The following TENM2 variants were observed in gnomAD, a reference collection of about 807,000 sequenced individuals.
The protein encoded by TENM2 is teneurin transmembrane protein 2.
Under a neutral mutation model 245.2 loss-of-function variants are expected in TENM2, and 52 were observed. The observed-to-expected ratio is 0.21, with a 90% CI of 0.17 to 0.27. TENM2 has a LOEUF of 0.27. Among genes scored for constraint, TENM2 ranks in the 10% least tolerant of loss-of-function variants. TENM2 has a pLI of 1.00. For synonymous variants in TENM2, 1,363 were observed against 1,438.9 expected (o/e 0.95, Z 1.19); for missense variants, 3,046 against 3,666.8 (o/e 0.83, Z 4.37).
At position 168,057,652 on chromosome 5, in the gene TENM2, T is replaced by C. The variant is rs982502941; in HGVS notation, c.1310-4408T>C. On this transcript the variant is annotated intron_variant, in intron 6 of 28. Transcript: ENST00000518659. The stretch of plus-strand genomic sequence containing the variant: ...GGATTTTCTCACCATATCACACCTC[T>C]CCCAGTTTGTTTGTTTGTTTGTTTA... 9.9e-5 allele frequency among the ~76,000 whole-genome samples: 15 copies of C among 152,164 alleles called. 1 individual carries two copies. Among genetic ancestry groups the C allele is most frequent in the African/African-American group, 3.6e-4 (15 of 41,442 alleles).
chr5:167,685,663 C>T (rs757403043), intron 2 of TENM2, among the ~76,000 whole-genome samples: 2 of 152,066 alleles, frequency 1.3e-5, no homozygotes, highest in Non-Finnish European at 2.9e-5. Flanking sequence ...AGAGTTTACC[C>T]TGAACATCAT....
chr5:167,026,122 T>C, the TENM2 span, among the ~76,000 whole-genome samples: 4 of 152,224 alleles, frequency 2.6e-5, no homozygotes, highest in African/African-American at 9.6e-5. Context: ...TGATTATATA[T>C]GTTTTGTGTA....
chr5:166,979,191 CCACCAGCAGCAGCAGCAG>C, the TENM2 span, among the ~76,000 whole-genome samples: 35 of 85,270 alleles, frequency 4.1e-4, no homozygotes, highest in African/African-American at 1.9e-3. Flanking sequence ...AGCAGCACCA[CCACCAGCAGCAGCAGCAG>C]CAGCAGCAGC....
the TENM2 span, among the ~76,000 whole-genome samples, chr5:167,270,083 G>A: frequency 6.6e-6 from 1 of 152,148 alleles, no homozygotes; most frequent in Non-Finnish European, 1.5e-5. Context: ...AAGAATGAGT[G>A]ATGTAGTTAG....
At chr5:167,017,322 A>G in the TENM2 span, among the ~76,000 whole-genome samples, 1 of 152,216 alleles carries the variant, frequency 6.6e-6, no homozygotes, top group Non-Finnish European at 1.5e-5. Context: ...TATTTTCAAT[A>G]AAATGTTAAA....
the TENM2 span, among the ~76,000 whole-genome samples, chr5:167,256,297 T>C: frequency 1.3e-5 from 2 of 152,100 alleles, no homozygotes; most frequent in African/African-American, 4.8e-5. Context: ...ATGAGTAAGG[T>C]CAAAACTTTG....
chr5:168,193,644 C>G (rs1266585724), intron 14 of TENM2, among the ~76,000 whole-genome samples: 1 of 152,092 alleles, frequency 6.6e-6, no homozygotes, highest in Non-Finnish European at 1.5e-5. Flanking sequence ...AAAGAAATAG[C>G]AGTTGTAGAA....
chr5:167,000,956 T>G, the TENM2 span, among the ~76,000 whole-genome samples: 1 of 151,360 alleles, frequency 6.6e-6, no homozygotes, highest in Non-Finnish European at 1.5e-5. Context: ...TGTGGTTTTT[T>G]GTTGTTGTTG....
At chr5:166,979,245 G>A in the TENM2 span, among the ~76,000 whole-genome samples, 1 of 151,952 alleles carries the variant, frequency 6.6e-6, no homozygotes, top group African/African-American at 2.4e-5. Context: ...AGCCGCCGCG[G>A]CAACATCGAG....
At chr5:168,048,397 T>C (rs1392477241) in intron 6 of TENM2, among the ~76,000 whole-genome samples, 3 of 152,292 alleles carry the variant, frequency 2.0e-5, no homozygotes, top group African/African-American at 4.8e-5. Context: ...TTAGCATCTA[T>C]AGCCACTTCA....
chr5:167,476,597 T>C (rs1220554894), intron 2 of TENM2, among the ~76,000 whole-genome samples: 1 of 152,052 alleles, frequency 6.6e-6, no homozygotes, highest in Admixed American at 6.6e-5. Context: ...GGTTTTTGTT[T>C]TTTTGTTTTT....
intron 2 of TENM2, among the ~76,000 whole-genome samples, chr5:167,866,361 G>C (rs920688624): frequency 6.6e-6 from 1 of 152,080 alleles, no homozygotes; most frequent in Admixed American, 6.5e-5. Context: ...ATCTGAATGT[G>C]GTGGTGCATG....
At chr5:168,263,775 ACTTTTG>A (rs1768418832), downstream of TENM2, 1 of 152,576 alleles carries the variant, frequency 6.6e-6, no homozygotes, top group East Asian at 1.9e-4. Context: ...GCATCGTGAC[ACTTTTG>A]CTAACAGGTA....
chr5:167,106,100 A>T, the TENM2 span, among the ~76,000 whole-genome samples: 6 of 152,002 alleles, frequency 3.9e-5, no homozygotes, highest in Non-Finnish European at 4.4e-5. Flanking sequence ...ATATTTAAGG[A>T]TTGAATGAGA....
chr5:167,449,641 A>G (rs1412395177), intron 2 of TENM2, among the ~76,000 whole-genome samples: 1 of 152,140 alleles, frequency 6.6e-6, no homozygotes, highest in African/African-American at 2.4e-5. Context: ...ATACTGAGTG[A>G]AAACAGAATT....
Position 167,558,979 on chromosome 5 carries a change from T to G in TENM2, c.502+183506T>G, listed in dbSNP as rs142893629. Among the ~76,000 whole-genome samples, 546 of 152,214 alleles carry G rather than the reference T, an allele frequency of 3.6e-3. 1 individual carries two copies. Among genetic ancestry groups the G allele is most frequent in the Non-Finnish European group, 5.4e-3 (370 of 68,014 alleles). Reference sequence around the variant, plus strand: ...TGATTCATGAATGGGGAACACTTTATCTCAGCTAGCCCCTGAGGACAGGAG... The same window carrying G: ...TGATTCATGAATGGGGAACACTTTAGCTCAGCTAGCCCCTGAGGACAGGAG... On this transcript the variant is annotated intron_variant, in intron 2 of 28. Transcript: ENST00000518659.
At chr5:167,317,963 G>C (rs578202542) in intron 1 of TENM2, among the ~76,000 whole-genome samples, 76 of 152,294 alleles carry the variant, frequency 5.0e-4, no homozygotes, top group Admixed American at 9.2e-4. Context: ...TGTCCTCATA[G>C]ATTAACTTCA....
chr5:168,151,085 TC>T (rs1756610129), intron 12 of TENM2, among the ~76,000 whole-genome samples: 1 of 152,136 alleles, frequency 6.6e-6, no homozygotes, highest in African/African-American at 2.4e-5. Flanking sequence ...CCTCTCCACA[TC>T]CCAGGCAGAC....
intron 1 of TENM2, among the ~76,000 whole-genome samples, chr5:167,338,965 C>G (rs1486655176): frequency 6.6e-6 from 1 of 152,120 alleles, no homozygotes; most frequent in Non-Finnish European, 1.5e-5. Flanking sequence ...TCCCTATTTC[C>G]AATAGTCATT....
Sources: gnomAD v4.1 joint callset for allele counts (sites outside exome capture counted in the v4.1 genomes callset) on GRCh38, gnomAD v4.1.1 for gene constraint, MANE v1.5 for transcripts, NCBI Gene and HGNC (gene_info 2026-07-23, HGNC 2026-07-21) for gene names.